Variants in SLC41A2 observed in about 807,000 individuals in gnomAD.
SLC41A2 encodes solute carrier family 41 member 2.
Under a neutral mutation model 58.3 loss-of-function variants are expected in SLC41A2, and 32 were observed. That is an observed-to-expected ratio of 0.55 (90% confidence interval 0.41 to 0.74). The LOEUF (loss-of-function observed/expected upper bound fraction) is 0.74, where lower values mean the gene tolerates loss of function less well. Among genes scored for constraint, SLC41A2 ranks in the 30% least tolerant of loss-of-function variants. The probability of loss-of-function intolerance (pLI) is 0.00; values close to 1 mark genes in which losing one functional copy is unlikely to be tolerated. For missense variants in SLC41A2, 514 were observed against 680.6 expected, an observed-to-expected ratio of 0.76 and a Z score of 2.72; for synonymous variants, 190 against 235.0, an observed-to-expected ratio of 0.81 and a Z score of 1.75.
intron 3 of SLC41A2, among the ~76,000 whole-genome samples, chr12:104,906,876 C>T (rs1022597821): frequency 6.6e-6 from 1 of 152,224 alleles, no homozygotes; most frequent in Non-Finnish European, 1.5e-5. Context: ...TCCGATATGG[C>T]TGACTCACCT....
At chr12:104,912,370 C>G (rs79609024) in intron 2 of SLC41A2, among the ~76,000 whole-genome samples, 2 of 152,140 alleles carry the variant, frequency 1.3e-5, no homozygotes, top group African/African-American at 4.8e-5. Context: ...CCCACCCACA[C>G]AAACACCTTT....
intron 6 of SLC41A2, among the ~76,000 whole-genome samples, chr12:104,883,328 C>T (rs562792161): frequency 6.7e-4 from 102 of 152,276 alleles, no homozygotes; most frequent in Non-Finnish European, 1.1e-3. Context: ...TTAGTCAACT[C>T]GTCAAAGTCA....
chr12:104,806,270 T>C (rs925252677), intron 10 of SLC41A2, among the ~76,000 whole-genome samples: 1 of 151,938 alleles, frequency 6.6e-6, no homozygotes, highest in African/African-American at 2.4e-5. Context: ...CGTGTCCATG[T>C]GTTCTCATTG....
intron 1 of SLC41A2, among the ~76,000 whole-genome samples, chr12:104,950,936 T>G (rs536634716): frequency 6.6e-6 from 1 of 152,286 alleles, no homozygotes; most frequent in Non-Finnish European, 1.5e-5. Context: ...TTGAGGTGGC[T>G]GGGGGAGGGG....
At chr12:104,905,902 A>G (rs2045823337) in intron 3 of SLC41A2, among the ~76,000 whole-genome samples, 1 of 152,132 alleles carries the variant, frequency 6.6e-6, no homozygotes, top group African/African-American at 2.4e-5. Flanking sequence ...CTCCCTCCAC[A>G]TCTCCCTGCA....
chr12:104,907,196 A>G (rs1593118446), intron 3 of SLC41A2, among the ~76,000 whole-genome samples: 1 of 131,058 alleles, frequency 7.6e-6, no homozygotes, highest in South Asian at 2.6e-4. Context: ...TCCTTTTGTC[A>G]TGTCCCCATC....
chr12:104,853,328 C>G (rs577323779), intron 8 of SLC41A2, among the ~76,000 whole-genome samples: 1 of 152,258 alleles, frequency 6.6e-6, no homozygotes, highest in Non-Finnish European at 1.5e-5. Context: ...TCTTTATAAT[C>G]AACAGCATAA....
intron 4 of SLC41A2, among the ~76,000 whole-genome samples, chr12:104,894,040 G>A (rs957394329): frequency 6.6e-6 from 1 of 152,138 alleles, no homozygotes; most frequent in African/African-American, 2.4e-5. Flanking sequence ...ATGCTGGGGG[G>A]ATGGATATAC....
rs1049609296 is a variant in SLC41A2, at chr12:104,869,154, C to T, written c.1028-2575G>A. Among the ~76,000 whole-genome samples, 3 of 152,230 alleles carry T rather than the reference C, an allele frequency of 2.0e-5. No individual in the cohort carries two copies. In the East Asian group the frequency reaches 5.8e-4, roughly 29 times the overall value. On this transcript the variant is annotated intron_variant, in intron 6 of 10. Transcript: ENST00000258538. ...TGCTGGGATTACAGGCATGAGCCACCATGTCAGGCCCAGCGTTTCTGTTTG... is the reference window on the plus strand; with the variant it reads ...TGCTGGGATTACAGGCATGAGCCACTATGTCAGGCCCAGCGTTTCTGTTTG...
intron 1 of SLC41A2, among the ~76,000 whole-genome samples, chr12:104,946,731 G>C (rs554010822): frequency 2.0e-5 from 3 of 152,334 alleles, no homozygotes; most frequent in Non-Finnish European, 2.9e-5. Context: ...CTTGTATTGA[G>C]TGATTTTTAC....
intron 10 of SLC41A2, among the ~76,000 whole-genome samples, chr12:104,823,940 CAT>C (rs1566107555): frequency 2.0e-5 from 3 of 152,148 alleles, no homozygotes; most frequent in Admixed American, 2.0e-4. Flanking sequence ...AAAATAACTA[CAT>C]GAGATGACAG....
intron 7 of SLC41A2, among the ~76,000 whole-genome samples, 192 bp from the exon 8 acceptor site, chr12:104,861,562 T>C (rs1484833702): frequency 6.6e-6 from 1 of 152,120 alleles, no homozygotes; most frequent in Non-Finnish European, 1.5e-5. Flanking sequence ...CGGCATAAGC[T>C]CTAGCCCCAA....
intron 10 of SLC41A2, among the ~76,000 whole-genome samples, chr12:104,820,646 T>C (rs1182376653): frequency 6.6e-6 from 1 of 152,076 alleles, no homozygotes; most frequent in Non-Finnish European, 1.5e-5. Context: ...TGTAGGGAAT[T>C]TTTTTCTTTT....
chr12:104,820,332 G>A (rs145945818), intron 10 of SLC41A2, among the ~76,000 whole-genome samples: 221 of 152,312 alleles, frequency 1.5e-3, no homozygotes, highest in Middle Eastern at 0.01. Context: ...GCATGGCGGT[G>A]CACACCTGTA....
intron 2 of SLC41A2, among the ~76,000 whole-genome samples, chr12:104,915,853 T>A (rs902947998): frequency 2.6e-5 from 4 of 152,180 alleles, no homozygotes; most frequent in Non-Finnish European, 4.4e-5. Flanking sequence ...GTGACACTTT[T>A]CAAAGGGAAT....
chr12:104,877,771 G>A (rs889124873), intron 6 of SLC41A2, among the ~76,000 whole-genome samples: 12 of 152,222 alleles, frequency 7.9e-5, no homozygotes, highest in African/African-American at 2.9e-4. Flanking sequence ...GGCCGAGGCA[G>A]GCAGATTCCC....
chr12:104,921,578 T>C (rs2046597834), intron 2 of SLC41A2, among the ~76,000 whole-genome samples: 1 of 150,904 alleles, frequency 6.6e-6, no homozygotes, highest in Admixed American at 6.6e-5. Flanking sequence ...CTGGGAGAAT[T>C]CAGCACCTCT....
Position 104,874,325 on chromosome 12 carries a change from C to T in SLC41A2, c.1028-7746G>A, listed in dbSNP as rs183898647. On this transcript the variant is annotated intron_variant, in intron 6 of 10. Transcript: ENST00000258538. ...TCCTGACCTCGTGATCCACCCGCCT[C>T]GGCCTCCCAAAGTCCTGCGATTACA... Among the ~76,000 whole-genome samples the T allele has an allele frequency of 2.1e-3, 317 of 152,222 alleles. 4 individuals are homozygous for T. Among genetic ancestry groups the T allele is most frequent in the Non-Finnish European group, 3.6e-3 (247 of 68,002 alleles).
At chr12:104,934,867 G>A (rs1199596684) in intron 1 of SLC41A2, among the ~76,000 whole-genome samples, 1 of 152,220 alleles carries the variant, frequency 6.6e-6, no homozygotes, top group Non-Finnish European at 1.5e-5. Context: ...ACAATGGGCG[G>A]TGGGGAGGAA....
Sources: allele counts gnomAD v4.1 joint callset (sites outside exome capture counted in the v4.1 genomes callset), GRCh38; gene constraint gnomAD v4.1.1; transcripts MANE v1.5; gene names NCBI Gene and HGNC (gene_info 2026-07-23, HGNC 2026-07-21).